PAK3: variants seen among roughly 807,000 people sequenced by gnomAD.
The protein encoded by PAK3 is serine/threonine-protein kinase PAK 3.
In PAK3, 4 loss-of-function variants were observed where a neutral mutation model predicts 41.0. That is an observed-to-expected ratio of 0.10 (90% CI 0.05 to 0.22). The LOEUF (loss-of-function observed/expected upper bound fraction) is 0.22, where lower values mean the gene tolerates loss of function less well. Ranked by LOEUF, PAK3 falls within the 10% of genes least tolerant of loss-of-function variation. The pLI is 1.00. For synonymous variants in PAK3, 146 were observed against 139.6 expected (o/e 1.05, Z -0.32); for missense variants, 205 against 409.9 (o/e 0.50, Z 4.32).
At position 111,004,256 on chromosome X, in the gene PAK3, G is replaced by A. The variant is rs148059250; in HGVS notation, c.-28+59628G>A. Among the ~76,000 whole-genome samples, 284 of 111,857 alleles carry A rather than the reference G, an allele frequency of 2.5e-3. 4 individuals are homozygous for A. In the East Asian group the frequency reaches 0.033, roughly 13 times the overall value. On this transcript the variant is annotated intron_variant, in intron 1 of 14. Coordinates refer to the PAK3 transcript ENST00000425146. ...TGAAGGCAGGGGATATGCGTAGTAG[G>A]AGGATGAATGGGAACAGCGGCAAGG...
chrX:111,033,834 G>A (rs2092366166), intron 1 of PAK3, among the ~76,000 whole-genome samples: 1 of 111,702 alleles, frequency 9.0e-6, no homozygotes, highest in Non-Finnish European at 1.9e-5. Flanking sequence ...TTGCTAGGAT[G>A]GAGACAGCCT....
chrX:111,157,093 G>C (rs771646394), intron 8 of PAK3, among the ~76,000 whole-genome samples: 1 of 111,502 alleles, frequency 9.0e-6, no homozygotes, highest in African/African-American at 3.3e-5. Flanking sequence ...CATAGTTTAA[G>C]TAATTCTTTT....
chrX:110,979,892 G>T (rs1194815661), intron 1 of PAK3, among the ~76,000 whole-genome samples: 1 of 111,945 alleles, frequency 8.9e-6, no homozygotes, highest in East Asian at 2.8e-4. Context: ...GTGTCAGCTG[G>T]GTTGGACTCA....
rs1266454683 is a variant in PAK3 at position 111,192,578 on chromosome X, A to C, written c.952A>C (p.Arg318=). 2 of 1,093,245 alleles carry C rather than the reference A, an allele frequency of 1.8e-6. No individual in the cohort carries two copies. Among genetic ancestry groups the C allele is most frequent in the South Asian group, 1.8e-5 (1 of 54,150 alleles). The allele number at this position is 1,093,245 out of a possible 1,213,427, so 90.1% of individuals were successfully genotyped here. Residue 318 remains arginine (R), a synonymous_variant, in exon 13 of 18, where the codon AGG becomes CGG. Coordinates refer to ENST00000372007, the MANE Select transcript of PAK3 (RefSeq NM_002578.5). ...AATTATTAATGAAATTCTGGTCATGAGGGAAAATAAGAACCCTAATATTGT... is the reference window on the plus strand; with the variant it reads ...AATTATTAATGAAATTCTGGTCATGCGGGAAAATAAGAACCCTAATATTGT... ...ELIINEILVM[R]ENKNPNIVNY...
At chrX:111,194,468 T>G (rs772541295) in intron 14 of PAK3, 50 bp downstream of exon 14, 8 of 658,252 alleles carry the variant, frequency 1.2e-5, no homozygotes, top group Non-Finnish European at 2.0e-5. Context: ...AATTGGCAGT[T>G]CTTCATTTCT....
chrX:110,961,923 A>G (rs2148613950), intron 1 of PAK3, among the ~76,000 whole-genome samples: 1 of 112,141 alleles, frequency 8.9e-6, no homozygotes, highest in Non-Finnish European at 1.9e-5. Flanking sequence ...CTGTTCTTTC[A>G]TGGATTCCAT....
chrX:110,979,861 T>C (rs1369803687), intron 1 of PAK3, among the ~76,000 whole-genome samples: 1 of 112,266 alleles, frequency 8.9e-6, no homozygotes, highest in African/African-American at 3.2e-5. Flanking sequence ...CTGGCAGACT[T>C]GACAGGGCTT....
chrX:111,214,409 G>C (rs777678929), intron 16 of PAK3, among the ~76,000 whole-genome samples: 1 of 111,596 alleles, frequency 9.0e-6, no homozygotes, highest in Non-Finnish European at 1.9e-5. Flanking sequence ...AACTGAGCAT[G>C]GGGATTTTCT....
At chrX:111,074,295 G>A (rs746541158) in intron 1 of PAK3, among the ~76,000 whole-genome samples, 3 of 111,510 alleles carry the variant, frequency 2.7e-5, no homozygotes, top group Non-Finnish European at 5.6e-5. Flanking sequence ...TGGATCATGG[G>A]GGATGATCCC....
intron 1 of PAK3, among the ~76,000 whole-genome samples, chrX:110,976,780 T>TA (rs1158299464): frequency 3.6e-5 from 4 of 111,287 alleles, no homozygotes; most frequent in African/African-American, 1.3e-4. Context: ...TATGCAGCCA[T>TA]AAAAAGTATG....
At chrX:111,206,792 T>C (rs755345733) in intron 16 of PAK3, among the ~76,000 whole-genome samples, 1 of 111,481 alleles carries the variant, frequency 9.0e-6, no homozygotes, top group Non-Finnish European at 1.9e-5. Flanking sequence ...TTTCTTTTTG[T>C]ATATTTGGCC....
chrX:110,965,362 C>T (rs1056940885), intron 1 of PAK3, among the ~76,000 whole-genome samples: 6 of 112,340 alleles, frequency 5.3e-5, no homozygotes, highest in African/African-American at 1.9e-4. Flanking sequence ...TCTCTCCAAG[C>T]TCCTCTTCTC....
intron 1 of PAK3, among the ~76,000 whole-genome samples, chrX:110,993,447 G>A (rs559888737): frequency 1.8e-5 from 2 of 111,116 alleles, no homozygotes; most frequent in African/African-American, 6.5e-5. Flanking sequence ...AACATATTCC[G>A]ACATCCCTGC....
At chrX:111,049,007 G>A (rs894282067) in intron 1 of PAK3, among the ~76,000 whole-genome samples, 2 of 111,703 alleles carry the variant, frequency 1.8e-5, no homozygotes, top group African/African-American at 6.5e-5. Flanking sequence ...GCCACTGCAT[G>A]TCTCTTCAGC....
intron 7 of PAK3, 145 bp downstream of exon 7, chrX:111,148,035 G>T: frequency 2.1e-6 from 1 of 481,458 alleles, no homozygotes; most frequent in Non-Finnish European, 3.6e-6. Context: ...CAAAAAATGA[G>T]TTGGAATTTG....
intron 16 of PAK3, among the ~76,000 whole-genome samples, chrX:111,208,479 T>C (rs2094780507): frequency 8.9e-6 from 1 of 111,994 alleles, no homozygotes; most frequent in Non-Finnish European, 1.9e-5. Context: ...TACACAGGTG[T>C]ACCATGTTTT....
intron 4 of PAK3, among the ~76,000 whole-genome samples, chrX:111,114,578 C>A (rs763474199): frequency 9.0e-6 from 1 of 111,525 alleles, no homozygotes; most frequent in South Asian, 3.8e-4. Flanking sequence ...TCTCTTTATG[C>A]AGCTGTGTGA....
intron 1 of PAK3, among the ~76,000 whole-genome samples, chrX:110,969,234 G>T (rs932039332): frequency 1.0e-5 from 1 of 100,026 alleles, no homozygotes; most frequent in African/African-American, 3.7e-5. Flanking sequence ...TCATTATTTT[G>T]CCTAGGGATG....
At chrX:111,092,812 CA>C (rs1343622348), upstream of PAK3, among the ~76,000 whole-genome samples, 1 of 111,984 alleles carries the variant, frequency 8.9e-6, no homozygotes, top group Non-Finnish European at 1.9e-5. Context: ...TAATATTCAG[CA>C]TAACATATTT....
Sources: gnomAD v4.1 joint callset for allele counts (sites outside exome capture counted in the v4.1 genomes callset) on GRCh38, gnomAD v4.1.1 for gene constraint, MANE v1.5 for transcripts, NCBI Gene and HGNC (gene_info 2026-07-23, HGNC 2026-07-21) for gene names.